Variants in EPRS1 observed in about 807,000 individuals in gnomAD.
EPRS1 encodes glutamyl-prolyl-tRNA synthetase 1.
EPRS1 carries 107 observed loss-of-function variants against 188.3 expected under a neutral mutation model. The ratio of observed to expected loss-of-function variants is 0.57; its 90% CI spans 0.49 to 0.67. The LOEUF (loss-of-function observed/expected upper bound fraction) is 0.67. Ranked by LOEUF, EPRS1 falls within the 30% of genes least tolerant of loss-of-function variation. EPRS1 has a pLI of 0.00. For missense variants in EPRS1, 1,577 were observed against 1,802.2 expected (o/e 0.88, Z 2.26); for synonymous variants, 596 against 593.1 (o/e 1.00, Z -0.07).
At chr1:220,035,788 T>C (rs1368558344) in intron 2 of EPRS1, among the ~76,000 whole-genome samples, 1 of 151,904 alleles carries the variant, frequency 6.6e-6, no homozygotes, top group East Asian at 2.0e-4. Flanking sequence ...GTACTTCAGC[T>C]TGGGTGACAG....
At position 219,978,548 on chromosome 1, in the gene EPRS1, T is replaced by C; in HGVS notation, c.4081A>G (p.Lys1361Glu). ...PGWKFNHWEL[K>E]GVPIRLEVGP... is the part of the protein sequence containing the mutation. Reference sequence around the variant, plus strand: ...AAAGATAAAGCTTAGGAATTTACCTTGAGCTCCCAGTGATTGAATTTCCAA... The same window carrying C: ...AAAGATAAAGCTTAGGAATTTACCTCGAGCTCCCAGTGATTGAATTTCCAA... The change falls in exon 28 of 32, where the codon AAG (lysine) becomes GAG (glutamate). Residue 1361 changes from lysine to glutamate, a missense_variant and splice_region_variant. Lys to Glu is a moderately conservative substitution (Grantham distance 56, BLOSUM62 1). Transcript: ENST00000366923. 1 of 1,561,244 alleles carries C rather than the reference T, an allele frequency of 6.4e-7. No homozygotes were observed. The highest frequency in any genetic ancestry group is 1.2e-5 in the South Asian group (1 of 84,874).
At position 220,030,460 on chromosome 1, in the gene EPRS1, A is replaced by G; in HGVS notation, c.549T>C (p.Asp183=). 2 of 1,614,098 alleles carry G rather than the reference A, an allele frequency of 1.2e-6. No homozygotes were observed. Among genetic ancestry groups the G allele is most frequent in the South Asian group, 1.1e-5 (1 of 91,084 alleles). Residue 183 remains aspartate, a synonymous_variant, in exon 6 of 32, where the codon GAT becomes GAC. Coordinates refer to ENST00000366923, the MANE Select transcript of EPRS1 (RefSeq NM_004446.3). ...KARVAPEKKQ[D]VGKFVELPGA... ...CTGGAAGCTCAACAAATTTCCCAAC[A>G]TCTTGCTTTTTCTCAGGTGCCTGAA...
At chr1:220,027,269 T>A (rs1382798828) in intron 6 of EPRS1, among the ~76,000 whole-genome samples, 2 of 151,526 alleles carry the variant, frequency 1.3e-5, no homozygotes, top group African/African-American at 4.9e-5. Context: ...CTAAAAAAAA[T>A]ACAAAAAAAT....
At chr1:219,991,322 C>G (rs1661118098) in intron 18 of EPRS1, among the ~76,000 whole-genome samples, 1 of 149,992 alleles carries the variant, frequency 6.7e-6, no homozygotes. Context: ...AATGAAAAAA[C>G]TTTTTTCAAA....
rs1356973912 is a variant in EPRS1, at chr1:219,997,341, G to A, written c.2183C>T (p.Thr728Ile). 1.3e-6 allele frequency: 2 copies of A among 1,566,544 alleles called. No homozygotes were observed. The highest frequency in any genetic ancestry group is 2.1e-5 in the Admixed American group (1 of 48,392). Reference protein sequence around the residue: ...KTKVEATKNETSAPFKERPTP... With the variant: ...KTKVEATKNEISAPFKERPTP... ...TGGTCTTTCCTTAAAAGGAGCAGAGGTCTACCAAGAGAGAAAACCAAAAGT... is the reference window on the plus strand; with the variant it reads ...TGGTCTTTCCTTAAAAGGAGCAGAGATCTACCAAGAGAGAAAACCAAAAGT... The change falls in exon 18 of 32, where the codon ACC becomes ATC. Residue 728 changes from threonine (T) to isoleucine (I), a missense_variant and splice_region_variant. This residue lies in a region of EPRS1 where 1,278 missense variants were observed against 1,457.4 expected (regional missense o/e 0.88). Coordinates refer to ENST00000366923, the MANE Select transcript of EPRS1 (RefSeq NM_004446.3).
intron 12 of EPRS1, among the ~76,000 whole-genome samples, chr1:220,016,127 C>T (rs1024364063): frequency 2.6e-5 from 4 of 152,010 alleles, no homozygotes; most frequent in Non-Finnish European, 4.4e-5. Flanking sequence ...GGGCGGATCA[C>T]GAGGTCGGGA....
intron 28 of EPRS1, 79 bp downstream of exon 28, chr1:219,978,467 G>T: frequency 2.1e-6 from 2 of 935,566 alleles, no homozygotes; most frequent in Non-Finnish European, 2.9e-6. Flanking sequence ...GAGAAACCTC[G>T]TTTTATAAAA....
At chr1:219,985,220 G>T (rs1354341577) in intron 20 of EPRS1, among the ~76,000 whole-genome samples, 1 of 152,004 alleles carries the variant, frequency 6.6e-6, no homozygotes, top group Non-Finnish European at 1.5e-5. Context: ...TAGAGACACA[G>T]CCTGTTCACA....
intron 12 of EPRS1, among the ~76,000 whole-genome samples, chr1:220,014,416 C>T (rs994455621): frequency 6.6e-6 from 1 of 152,042 alleles, no homozygotes; most frequent in African/African-American, 2.4e-5. Context: ...AACCAGGCAA[C>T]TGCCTCTCCC....
At chr1:219,971,864 T>C (rs1198869006) in intron 30 of EPRS1, among the ~76,000 whole-genome samples, 2 of 141,116 alleles carry the variant, frequency 1.4e-5, no homozygotes, top group African/African-American at 5.1e-5. Context: ...ATATTTAGAT[T>C]ATATATTTAT....
intron 18 of EPRS1, among the ~76,000 whole-genome samples, chr1:219,989,379 G>C (rs1479258858): frequency 6.8e-6 from 1 of 147,948 alleles, no homozygotes; most frequent in Non-Finnish European, 1.5e-5. Context: ...AAAAAAGAAT[G>C]ATATACTCAG....
intron 16 of EPRS1, among the ~76,000 whole-genome samples, chr1:220,002,527 T>C (rs1358013690): frequency 6.6e-6 from 1 of 152,090 alleles, no homozygotes; most frequent in African/African-American, 2.4e-5. Flanking sequence ...CCTAATCTGC[T>C]TATAAGCAGA....
intron 17 of EPRS1, among the ~76,000 whole-genome samples, chr1:220,000,457 T>A (rs1661328728): frequency 6.6e-6 from 1 of 152,264 alleles, no homozygotes; most frequent in Non-Finnish European, 1.5e-5. Flanking sequence ...TACAGGTTTT[T>A]AGAAGCTATT....
At position 219,980,855 on chromosome 1, in the gene EPRS1, A is replaced by G. The variant is rs1287390929; in HGVS notation, c.3456T>C (p.Arg1152=). Residue 1152 remains arginine (R), a splice_region_variant and synonymous_variant, in exon 25 of 32, where the codon CGT becomes CGC. Coordinates refer to ENST00000366923, the MANE Select transcript of EPRS1 (RefSeq NM_004446.3). The part of the protein sequence containing the change: ...IKLNQWCNVV[R]WEFKHPQPFL... The stretch of plus-strand genomic sequence containing the variant: ...AAGGCTGAGGATGCTTGAATTCCCA[A>G]CGCTGGAAGAGGCAAGAAAACAATT... 27 of 1,607,036 alleles carry G rather than the reference A, an allele frequency of 1.7e-5. No homozygotes were observed. In the East Asian group the frequency reaches 6.0e-4, roughly 36 times the overall value.
chr1:220,024,368 G>A lies in EPRS1; in HGVS notation c.839C>T (p.Ala280Val). ...CTTCCCTTCTTGAATTAGCTTCTCT[G>A]CATACTTCATTATAGTTTCAAAATG... ...SDHFETIMKY[A>V]EKLIQEGKAY... The change falls in exon 8 of 32, where the codon GCA becomes GTA. Residue 280 changes from alanine to valine, a missense_variant. Ala to Val is a moderately conservative substitution (Grantham distance 64). This residue lies in a region of EPRS1 where 1,278 missense variants were observed against 1,457.4 expected (regional missense o/e 0.88). Coordinates refer to ENST00000366923, the MANE Select transcript of EPRS1 (RefSeq NM_004446.3). 6.2e-7 allele frequency: 1 copy of A among 1,611,562 alleles called. No individual in the cohort carries two copies. The highest frequency in any genetic ancestry group is 8.5e-7 in the Non-Finnish European group (1 of 1,177,904).
Position 219,980,856 on chromosome 1 carries a change from C to A in EPRS1, c.3455G>T (p.Arg1152Leu). The A allele has an allele frequency of 6.2e-7, 1 of 1,607,150 alleles. No individual in the cohort carries two copies. The highest frequency in any genetic ancestry group is 8.5e-7 in the Non-Finnish European group (1 of 1,175,180). The change falls in exon 25 of 32, where the codon CGT becomes CTT. Residue 1152 changes from arginine (R) to leucine (L), a missense_variant and splice_region_variant. By Grantham distance (102) the Arg-to-Leu change is moderately radical (BLOSUM62 -2). This residue lies in a region of EPRS1 where 1,278 missense variants were observed against 1,457.4 expected (regional missense o/e 0.88). Coordinates refer to ENST00000366923, the MANE Select transcript of EPRS1 (RefSeq NM_004446.3). ...AGGCTGAGGATGCTTGAATTCCCAA[C>A]GCTGGAAGAGGCAAGAAAACAATTT... ...IKLNQWCNVV[R>L]WEFKHPQPFL...
chr1:220,006,776 C>T (rs1017923646), intron 14 of EPRS1, among the ~76,000 whole-genome samples: 1 of 152,118 alleles, frequency 6.6e-6, no homozygotes, highest in Non-Finnish European at 1.5e-5. Flanking sequence ...AGATCATATT[C>T]CTAAGTGTAG....
At chr1:220,003,989 T>C (rs922235741) in intron 16 of EPRS1, among the ~76,000 whole-genome samples, 1 of 152,228 alleles carries the variant, frequency 6.6e-6, no homozygotes, top group Non-Finnish European at 1.5e-5. Context: ...AAATCTTGCA[T>C]ATCAAACTCA....
At chr1:219,979,231 G>T (rs1660844344) in intron 27 of EPRS1, among the ~76,000 whole-genome samples, 187 bp downstream of exon 27, 1 of 152,192 alleles carries the variant, frequency 6.6e-6, no homozygotes, top group African/African-American at 2.4e-5. Flanking sequence ...AATTAAAAGA[G>T]TAAGAAACAA....
Sources: gnomAD v4.1 joint callset for allele counts (sites outside exome capture counted in the v4.1 genomes callset) on GRCh38, gnomAD v4.1.1 for gene constraint, gnomAD v4.1.1 regional missense constraint, MANE v1.5 for transcripts, NCBI Gene and HGNC (gene_info 2026-07-23, HGNC 2026-07-21) for gene names.